Variants in GFRA2 observed in about 807,000 individuals in gnomAD.
GFRA2 encodes the protein GDNF family receptor alpha-2.
Under a neutral mutation model 48.3 loss-of-function variants are expected in GFRA2, and 17 were observed. The ratio of observed to expected loss-of-function variants is 0.35; its 90% CI spans 0.24 to 0.53. GFRA2 has a LOEUF of 0.53. Ranked by LOEUF, GFRA2 falls within the 20% of genes least tolerant of loss-of-function variation. GFRA2 has a pLI of 0.93. For missense variants in GFRA2, 660 were observed against 637.3 expected (o/e 1.04, Z -0.38); for synonymous variants, 305 against 257.2 (o/e 1.19, Z -1.78).
chr8:21,804,553 T>C (rs1336941336), intron 2 of GFRA2, among the ~76,000 whole-genome samples: 1 of 150,230 alleles, frequency 6.7e-6, no homozygotes, highest in Non-Finnish European at 1.5e-5. Flanking sequence ...CTCTGAGGAG[T>C]CTTCCTCACA....
At chr8:21,792,324 A>C (rs1807587113), upstream of GFRA2, among the ~76,000 whole-genome samples, 1 of 152,202 alleles carries the variant, frequency 6.6e-6, no homozygotes, top group Non-Finnish European at 1.5e-5. Flanking sequence ...CTGACCCCAG[A>C]GATAAAAATC....
intron 1 of GFRA2, among the ~76,000 whole-genome samples, chr8:21,805,649 AGCAATTTG>A (rs1232590299): frequency 7.2e-5 from 11 of 152,186 alleles, no homozygotes; most frequent in Admixed American, 7.2e-4. Context: ...GGAGTCGTAA[AGCAATTTG>A]GCCCAAGCTT....
At chr8:21,759,835 G>C (rs1805808127) in intron 3 of GFRA2, among the ~76,000 whole-genome samples, 1 of 147,290 alleles carries the variant, frequency 6.8e-6, no homozygotes, top group South Asian at 2.1e-4. Context: ...GTTGCTGTGA[G>C]TCAGGATCGC....
At chr8:21,776,762 C>T (rs958267478) in intron 2 of GFRA2, among the ~76,000 whole-genome samples, 167 of 152,178 alleles carry the variant, frequency 1.1e-3, no homozygotes, top group African/African-American at 3.8e-3. Context: ...TGAGCCACCG[C>T]GCCCAGCCAA....
intron 1 of GFRA2, among the ~76,000 whole-genome samples, chr8:21,806,369 A>T (rs1807866192): frequency 6.6e-6 from 1 of 152,240 alleles, no homozygotes; most frequent in Non-Finnish European, 1.5e-5. Context: ...AATAGGCTTT[A>T]TGTTAGATAA....
intron 3 of GFRA2, among the ~76,000 whole-genome samples, chr8:21,761,248 CAACA>C (rs1015112560): frequency 6.6e-6 from 1 of 152,220 alleles, no homozygotes; most frequent in Non-Finnish European, 1.5e-5. Flanking sequence ...TTATTTTTTG[CAACA>C]AACACTTACT....
intron 4 of GFRA2, among the ~76,000 whole-genome samples, chr8:21,735,605 G>A (rs567994887): frequency 3.3e-5 from 5 of 152,176 alleles, no homozygotes; most frequent in Admixed American, 6.5e-5. Flanking sequence ...CCTTAAAGGC[G>A]AGGTTTCATA....
intron 1 of GFRA2, among the ~76,000 whole-genome samples, chr8:21,785,443 A>T (rs1292029197): frequency 2.0e-5 from 3 of 152,246 alleles, no homozygotes; most frequent in African/African-American, 7.2e-5. Flanking sequence ...TGCAGCCTGC[A>T]GCCTTTAGCT....
rs369290685 is a variant in GFRA2 at position 21,770,393 on chromosome 8, G to A, written c.439+4579C>T. On this transcript the variant is annotated intron_variant, in intron 3 of 8. Transcript: ENST00000524240. ...TTTAGTCTTAACAAAAATCCTCAGAGGTAGGTGTTGCCATTGGCTCCAGGC... is the reference window on the plus strand; with the variant it reads ...TTTAGTCTTAACAAAAATCCTCAGAAGTAGGTGTTGCCATTGGCTCCAGGC... Among the ~76,000 whole-genome samples, 25 of 152,352 alleles carry A rather than the reference G, an allele frequency of 1.6e-4. No homozygotes were observed. In the East Asian group the frequency reaches 4.0e-3, roughly 25 times the overall value.
At chr8:21,694,406 A>C in intron 8 of GFRA2, 58 bp downstream of exon 8, 2 of 1,512,934 alleles carry the variant, frequency 1.3e-6, no homozygotes, top group Non-Finnish European at 1.8e-6. Context: ...CGCCGGGGAA[A>C]TGCCGCCCCC....
rs1807080823 is a variant in GFRA2 at position 21,782,873 on chromosome 8, G to C, written c.67C>G (p.Pro23Ala). The change falls in exon 2 of 9, where the codon CCT (proline) becomes GCT (alanine). Residue 23 changes from proline (P) to alanine (A), a missense_variant. Transcript: ENST00000524240. ...LDETLRSLAS[P>A]SSLQGPELHG... is the part of the protein sequence containing the mutation. ...AGCTCGGGGCCCTGCAGGGAGGAAG[G>C]GCTGGCCAAAGAGCGGAGGGTCTCG... is the stretch of plus-strand genomic sequence containing the variant. 6.4e-7 allele frequency: 1 copy of C among 1,564,910 alleles called. No homozygotes were observed. Among genetic ancestry groups the C allele is most frequent in the African/African-American group, 1.3e-5 (1 of 74,382 alleles).
intron 4 of GFRA2, among the ~76,000 whole-genome samples, chr8:21,746,023 C>T (rs1208339962): frequency 6.6e-6 from 1 of 152,214 alleles, no homozygotes; most frequent in Admixed American, 6.5e-5. Context: ...GAACCATAGA[C>T]TTGTAAGACC....
chr8:21,718,317 G>C (rs1402024548), intron 4 of GFRA2, among the ~76,000 whole-genome samples: 1 of 152,160 alleles, frequency 6.6e-6, no homozygotes. Flanking sequence ...GCTCGTCCTT[G>C]CCTTCTGCCA....
At chr8:21,798,748 C>G (rs955443036) in intron 2 of GFRA2, among the ~76,000 whole-genome samples, 13 of 152,176 alleles carry the variant, frequency 8.5e-5, no homozygotes, top group Admixed American at 8.5e-4. Flanking sequence ...AGGATGAGTA[C>G]CCCCTGCCCA....
intron 4 of GFRA2, among the ~76,000 whole-genome samples, chr8:21,711,968 G>C (rs1803059077): frequency 1.3e-5 from 2 of 152,238 alleles, no homozygotes; most frequent in Non-Finnish European, 2.9e-5. Context: ...AGTGGACACA[G>C]CACATGTTTC....
intron 2 of GFRA2, chr8:21,779,628 G>C (rs111762391): frequency 6.6e-6 from 1 of 152,168 alleles, no homozygotes; most frequent in East Asian, 1.9e-4. Flanking sequence ...CTTATCTCCT[G>C]AAGAATAGAG....
intron 2 of GFRA2, among the ~76,000 whole-genome samples, chr8:21,804,062 ATTC>A (rs1421505904): frequency 2.0e-5 from 3 of 152,210 alleles, no homozygotes; most frequent in Admixed American, 1.3e-4. Context: ...GGTTCTTCAT[ATTC>A]TTCAACTCAT....
chr8:21,753,174 C>T (rs1233820168), intron 3 of GFRA2, among the ~76,000 whole-genome samples: 1 of 152,204 alleles, frequency 6.6e-6, no homozygotes, highest in Non-Finnish European at 1.5e-5. Flanking sequence ...GTCTGATTTG[C>T]TGTGACAGAA....
chr8:21,769,039 C>T (rs1370610803), intron 3 of GFRA2: 1 of 233,482 alleles, frequency 4.3e-6, no homozygotes, highest in Non-Finnish European at 7.0e-6. Flanking sequence ...TTGCTGCCTC[C>T]CCTGAACTCT....
Sources: gnomAD v4.1 joint callset for allele counts (sites outside exome capture counted in the v4.1 genomes callset) on GRCh38, gnomAD v4.1.1 for gene constraint, MANE v1.5 for transcripts, NCBI Gene and HGNC (gene_info 2026-07-23, HGNC 2026-07-21) for gene names.